Variants in CSMD1 observed in about 807,000 individuals in gnomAD.
CSMD1 encodes CUB and Sushi multiple domains 1.
Under a neutral mutation model 417.5 loss-of-function variants are expected in CSMD1, and 213 were observed. The observed-to-expected ratio is 0.51, with a 90% CI of 0.46 to 0.57. The LOEUF (loss-of-function observed/expected upper bound fraction) is 0.57, where lower values mean the gene tolerates loss of function less well. CSMD1 is among the 20% of genes least tolerant of loss of function. CSMD1 has a pLI of 0.00. For synonymous variants in CSMD1, 2,862 were observed against 1,736.8 expected (o/e 1.65, Z -16.11); for missense variants, 6,923 against 4,529.7 (o/e 1.53, Z -15.17).
intron 2 of CSMD1, among the ~76,000 whole-genome samples, chr8:4,600,062 C>G (rs1322359964): frequency 6.6e-6 from 1 of 152,178 alleles, no homozygotes; most frequent in African/African-American, 2.4e-5. Context: ...ATGGCTTGTC[C>G]TTCCCTTTTA....
chr8:3,836,956 A>G (rs996230724), intron 5 of CSMD1, among the ~76,000 whole-genome samples: 1 of 152,080 alleles, frequency 6.6e-6, no homozygotes, highest in African/African-American at 2.4e-5. Flanking sequence ...GCAAAAATAA[A>G]AAGTTTTATA....
chr8:4,606,974 G>A (rs1585321771), intron 2 of CSMD1, among the ~76,000 whole-genome samples: 1 of 152,154 alleles, frequency 6.6e-6, no homozygotes, highest in Non-Finnish European at 1.5e-5. Context: ...TTGCTAAGAT[G>A]CAAGTTAAAT....
At chr8:4,538,238 C>A (rs1797204155) in intron 2 of CSMD1, among the ~76,000 whole-genome samples, 1 of 150,038 alleles carries the variant, frequency 6.7e-6, no homozygotes, top group Non-Finnish European at 1.5e-5. Context: ...GTATGTGGCA[C>A]CCTTATATTT....
intron 26 of CSMD1, among the ~76,000 whole-genome samples, chr8:3,279,579 T>C (rs895180471): frequency 1.3e-5 from 2 of 152,166 alleles, no homozygotes; most frequent in African/African-American, 4.8e-5. Flanking sequence ...TTGGAAATTC[T>C]AGGAAGAAGG....
intron 3 of CSMD1, among the ~76,000 whole-genome samples, chr8:4,390,318 G>C (rs1434828089): frequency 6.6e-6 from 1 of 151,940 alleles, no homozygotes; most frequent in Non-Finnish European, 1.5e-5. Context: ...GAAGTTAATT[G>C]GGAAAAGAAG....
chr8:3,660,176 A>G (rs1247129189), intron 7 of CSMD1, among the ~76,000 whole-genome samples: 1 of 152,180 alleles, frequency 6.6e-6, no homozygotes, highest in Admixed American at 6.5e-5. Context: ...ATTATACTGC[A>G]GTGGTTTAGA....
chr8:4,408,296 G>C (rs1021303149), intron 3 of CSMD1, among the ~76,000 whole-genome samples: 2 of 152,166 alleles, frequency 1.3e-5, no homozygotes, highest in African/African-American at 4.8e-5. Flanking sequence ...GAAAGAACCA[G>C]TGTCAAAAAC....
chr8:3,516,844 A>G (rs1006662527), intron 10 of CSMD1, among the ~76,000 whole-genome samples: 1 of 152,042 alleles, frequency 6.6e-6, no homozygotes, highest in Non-Finnish European at 1.5e-5. Context: ...GAGGAAAGGA[A>G]CTCATTATTT....
At chr8:4,195,328 A>G (rs1274561066) in intron 3 of CSMD1, among the ~76,000 whole-genome samples, 3 of 152,208 alleles carry the variant, frequency 2.0e-5, no homozygotes, top group Non-Finnish European at 2.9e-5. Flanking sequence ...CAAATTCTAT[A>G]GAACAGGATA....
chr8:4,618,207 T>C (rs944596854), intron 2 of CSMD1, among the ~76,000 whole-genome samples: 9 of 152,030 alleles, frequency 5.9e-5, no homozygotes, highest in Non-Finnish European at 5.9e-5. Flanking sequence ...ATTTCCCCCA[T>C]CTGGAAAGAC....
At chr8:4,437,463 TA>T (rs1798212751) in intron 2 of CSMD1, among the ~76,000 whole-genome samples, 1 of 152,198 alleles carries the variant, frequency 6.6e-6, no homozygotes, top group South Asian at 2.1e-4. Context: ...CACCAAAAGT[TA>T]ATTACATGAA....
chr8:4,078,346 G>T (rs559168901), intron 3 of CSMD1, among the ~76,000 whole-genome samples: 5 of 122,376 alleles, frequency 4.1e-5, no homozygotes, highest in South Asian at 2.5e-4. Flanking sequence ...AGGGAGTCTT[G>T]CTCTGTGTCG....
In CSMD1 at chr8:3,107,600, C is replaced by T. The variant is rs62488456; in HGVS notation, c.6835+118G>A. ...TTTAAGGATAGTTTGTTCTTTGTTT[C>T]TGTTTTTGTTTCTCTGACAAATTAC... On this transcript the variant is annotated intron_variant, in intron 45 of 69. Transcript: ENST00000635120. The T allele has an allele frequency of 2.3e-5, 14 of 611,056 alleles. 1 individual carries two copies. The highest frequency in any genetic ancestry group is 1.9e-4 in the Admixed American group (6 of 30,972). The allele number at this position is 611,056 out of a possible 1,614,324, so 37.9% of individuals were successfully genotyped here.
intron 39 of CSMD1, among the ~76,000 whole-genome samples, chr8:3,153,805 G>A (rs898085143): frequency 1.3e-5 from 2 of 152,106 alleles, no homozygotes; most frequent in Admixed American, 6.5e-5. Context: ...CCTGACCACT[G>A]GGTTCATCTC....
chr8:3,532,780 G>C (rs1354503507), intron 10 of CSMD1, among the ~76,000 whole-genome samples: 2 of 152,106 alleles, frequency 1.3e-5, no homozygotes, highest in East Asian at 1.9e-4. Flanking sequence ...GGTGAAGACT[G>C]TAAACTTCTT....
chr8:4,897,629 G>T (rs542150966), intron 1 of CSMD1, among the ~76,000 whole-genome samples: 1 of 151,956 alleles, frequency 6.6e-6, no homozygotes, highest in African/African-American at 2.4e-5. Flanking sequence ...TTGTCATTAC[G>T]TTAATGTCCA....
At chr8:3,660,560 G>C (rs1400007901) in intron 7 of CSMD1, among the ~76,000 whole-genome samples, 1 of 107,352 alleles carries the variant, frequency 9.3e-6, no homozygotes, top group South Asian at 3.5e-4. Context: ...AGGCCCTGCA[G>C]TCCAGGCAAG....
intron 3 of CSMD1, among the ~76,000 whole-genome samples, chr8:4,230,420 T>C (rs1288673055): frequency 2.0e-5 from 3 of 152,172 alleles, no homozygotes; most frequent in African/African-American, 2.4e-5. Flanking sequence ...TAATCCAAGG[T>C]CTAACCTGTG....
At chr8:4,377,832 T>C (rs917970782) in intron 3 of CSMD1, among the ~76,000 whole-genome samples, 3 of 152,348 alleles carry the variant, frequency 2.0e-5, no homozygotes, top group East Asian at 1.9e-4. Context: ...ATAAATATTT[T>C]TGCCCCAATT....
Sources: gnomAD v4.1 joint callset for allele counts (sites outside exome capture counted in the v4.1 genomes callset) on GRCh38, gnomAD v4.1.1 for gene constraint, MANE v1.5 for transcripts, NCBI Gene and HGNC (gene_info 2026-07-23, HGNC 2026-07-21) for gene names.